The following MLLT10 variants were observed in gnomAD, a reference collection of about 807,000 sequenced individuals.
MLLT10 encodes MLLT10 histone lysine methyltransferase DOT1L cofactor, also known as protein AF-10.
Under a neutral mutation model 129.1 loss-of-function variants are expected in MLLT10, and 30 were observed. The observed-to-expected ratio is 0.23, with a 90% CI of 0.17 to 0.32. The LOEUF is 0.32. Ranked by LOEUF, MLLT10 falls within the 10% of genes least tolerant of loss-of-function variation. MLLT10 has a pLI of 1.00. For synonymous variants in MLLT10, 490 were observed against 446.4 expected (o/e 1.10, Z -1.23); for missense variants, 1,119 against 1,268.3 (o/e 0.88, Z 1.79).
At chr10:21,681,706 T>C (rs2131403958) in intron 12 of MLLT10, among the ~76,000 whole-genome samples, 1 of 152,306 alleles carries the variant, frequency 6.6e-6, no homozygotes, top group South Asian at 2.1e-4. Context: ...TTTTTCAATA[T>C]TTGTATATTT....
At chr10:21,715,954 G>A (rs1363199101) in intron 14 of MLLT10, among the ~76,000 whole-genome samples, 2 of 152,346 alleles carry the variant, frequency 1.3e-5, no homozygotes, top group Middle Eastern at 3.4e-3. Flanking sequence ...AATGCTTTCT[G>A]TCTTCAAGCT....
intron 22 of MLLT10, among the ~76,000 whole-genome samples, chr10:21,741,198 C>T (rs978990165): frequency 5.3e-5 from 8 of 152,268 alleles, no homozygotes; most frequent in Middle Eastern, 6.8e-3. Flanking sequence ...CATCACACAC[C>T]GCATTACCTC....
intron 13 of MLLT10, chr10:21,708,574 T>TG: frequency 1.0e-6 from 1 of 974,852 alleles, no homozygotes; most frequent in Non-Finnish European, 1.2e-6. Context: ...GTGTGTGTGT[T>TG]TTTTTTTTAC....
chr10:21,688,596 T>C, intron 13 of MLLT10: 6 of 1,494,584 alleles, frequency 4.0e-6, no homozygotes, highest in Non-Finnish European at 5.5e-6. Flanking sequence ...AATCCTATTG[T>C]AGCTTGGAAA....
intron 3 of MLLT10, among the ~76,000 whole-genome samples, chr10:21,542,787 G>A (rs1042126479): frequency 1.3e-5 from 2 of 152,142 alleles, no homozygotes; most frequent in Non-Finnish European, 2.9e-5. Flanking sequence ...GTGGGAGGCC[G>A]AGGCAGGAGG....
At chr10:21,730,717 A>T (rs1368843315) in intron 16 of MLLT10, among the ~76,000 whole-genome samples, 183 bp from the exon 17 acceptor site, 1 of 152,172 alleles carries the variant, frequency 6.6e-6, no homozygotes, top group East Asian at 1.9e-4. Flanking sequence ...TGGGAGGAAG[A>T]ATGATAATTA....
chr10:21,564,350 A>G (rs951516517), intron 3 of MLLT10: 19 of 152,158 alleles, frequency 1.2e-4, no homozygotes, highest in African/African-American at 3.9e-4. Context: ...CTGGTCTCCT[A>G]AAGTGCTGGG....
chr10:21,629,652 A>G (rs1006696417), intron 8 of MLLT10, among the ~76,000 whole-genome samples: 1 of 152,246 alleles, frequency 6.6e-6, no homozygotes, highest in Non-Finnish European at 1.5e-5. Flanking sequence ...CAGAGGAAAT[A>G]AAAGAGTAGG....
rs556766055 is a variant in MLLT10, at chr10:21,689,219, T to A, written c.1699+6962T>A. On this transcript the variant is annotated intron_variant, in intron 13 of 22. Coordinates refer to ENST00000307729, the MANE Select transcript of MLLT10 (RefSeq NM_001195626.3). ...TGGTTAGTTGCTTTGGGGAAATAAG[T>A]ATACTGCAAAAGATAAATGATGCGG... Among the ~76,000 whole-genome samples the A allele has an allele frequency of 2.7e-4, 41 of 152,132 alleles. No individual in the cohort carries two copies. The South Asian group carries it at 6.2e-3, about 23-fold the overall frequency.
In MLLT10 at chr10:21,714,358, G is replaced by T. The variant is rs987229409; in HGVS notation, c.1878+408G>T. On this transcript the variant is annotated intron_variant, in intron 14 of 22. Coordinates refer to ENST00000307729, the MANE Select transcript of MLLT10 (RefSeq NM_001195626.3). ...TCTTTTTAAAGTTTTAAAAAAAACC[G>T]TGTAGGAGAATGTAGGTTAAAAGAC... Among the ~76,000 whole-genome samples the T allele has an allele frequency of 1.3e-4, 20 of 151,772 alleles. 1 individual carries two copies. The highest frequency in any genetic ancestry group is 4.6e-4 in the Admixed American group (7 of 15,228).
At chr10:21,673,216 G>A (rs1004161242) in intron 10 of MLLT10, 134 bp from the exon 11 acceptor site, 5 of 527,190 alleles carry the variant, frequency 9.5e-6, no homozygotes, top group East Asian at 3.1e-5. Context: ...TGTCCTAAGT[G>A]TTGTAGTTAA....
At chr10:21,610,044 C>G (rs533884638) in intron 5 of MLLT10, among the ~76,000 whole-genome samples, 9 of 152,304 alleles carry the variant, frequency 5.9e-5, no homozygotes, top group African/African-American at 2.2e-4. Flanking sequence ...ACCCTCTGCC[C>G]TACTGCTCTG....
Position 21,742,856 on chromosome 10 carries a change from G to T in MLLT10, c.*873G>T. 1 of 228,724 alleles carries T rather than the reference G, an allele frequency of 4.4e-6. No homozygotes were observed. Among genetic ancestry groups the T allele is most frequent in the Non-Finnish European group, 8.7e-6 (1 of 115,310 alleles). The allele number at this position is 228,724 out of a possible 1,614,324, so 14.2% of individuals were successfully genotyped here. On this transcript the variant is annotated 3_prime_UTR_variant, in exon 23 of 23. Transcript: ENST00000307729. Reference sequence around the variant, plus strand: ...TCCTCCGAGCAGCAGGAATCATCCCGTCACCTGCAGCCTTCCCATGCTTCC... The same window carrying T: ...TCCTCCGAGCAGCAGGAATCATCCCTTCACCTGCAGCCTTCCCATGCTTCC...
At chr10:21,672,241 A>G (rs1324069193) in intron 10 of MLLT10, among the ~76,000 whole-genome samples, 1 of 146,328 alleles carries the variant, frequency 6.8e-6, no homozygotes, top group Non-Finnish European at 1.5e-5. Context: ...TTTGTTGCCC[A>G]GGCTGGAGGG....
At chr10:21,713,229 A>G (rs2056264622) in intron 13 of MLLT10, among the ~76,000 whole-genome samples, 1 of 152,056 alleles carries the variant, frequency 6.6e-6, no homozygotes, top group African/African-American at 2.4e-5. Flanking sequence ...GAATCTACCA[A>G]CATTCTTTAT....
chr10:21,599,205 G>A (rs1309713803), intron 5 of MLLT10, among the ~76,000 whole-genome samples: 1 of 150,644 alleles, frequency 6.6e-6, no homozygotes, highest in Admixed American at 6.6e-5. Context: ...AGCTGGGCAT[G>A]GTAGTGGACG....
chr10:21,557,422 T>C (rs1004151186), intron 3 of MLLT10, among the ~76,000 whole-genome samples: 4 of 152,246 alleles, frequency 2.6e-5, no homozygotes, highest in Admixed American at 1.3e-4. Flanking sequence ...TCCTTTTTGA[T>C]AGATCTGTGA....
At chr10:21,676,306 A>C (rs1243828693) in intron 11 of MLLT10, among the ~76,000 whole-genome samples, 1 of 151,696 alleles carries the variant, frequency 6.6e-6, no homozygotes, top group Admixed American at 6.6e-5. Flanking sequence ...AGTCCTAGCT[A>C]CTCGGAGAGG....
intron 8 of MLLT10, among the ~76,000 whole-genome samples, chr10:21,636,201 G>C (rs1246081876): frequency 2.0e-4 from 30 of 152,038 alleles, no homozygotes. Flanking sequence ...GCTCACTGCA[G>C]CCTCAACCTC....
Sources: gnomAD v4.1 joint callset for allele counts (sites outside exome capture counted in the v4.1 genomes callset) on GRCh38, gnomAD v4.1.1 for gene constraint, MANE v1.5 for transcripts, NCBI Gene and HGNC (gene_info 2026-07-23, HGNC 2026-07-21) for gene names.